Variants in ABLIM2 observed in about 807,000 individuals in gnomAD.
ABLIM2 encodes the protein actin binding LIM protein family member 2.
Under a neutral mutation model 97.7 loss-of-function variants are expected in ABLIM2, and 53 were observed. That is an observed-to-expected ratio of 0.54 (90% confidence interval 0.44 to 0.68). The LOEUF (loss-of-function observed/expected upper bound fraction) is 0.68, where lower values mean the gene tolerates loss of function less well. Ranked by LOEUF, ABLIM2 falls within the 30% of genes least tolerant of loss-of-function variation. The pLI is 0.00. For missense variants in ABLIM2, 835 were observed against 867.2 expected, an observed-to-expected ratio of 0.96 and a Z score of 0.47; for synonymous variants, 361 against 345.8, an observed-to-expected ratio of 1.04 and a Z score of -0.49.
intron 8 of ABLIM2, among the ~76,000 whole-genome samples, chr4:8,049,606 TAC>T (rs1384481748): frequency 2.0e-5 from 3 of 152,240 alleles, no homozygotes; most frequent in African/African-American, 7.2e-5. Flanking sequence ...GAGAAACATT[TAC>T]AGTCTATTCT....
At chr4:8,020,992 G>A (rs1305132249) in intron 12 of ABLIM2, among the ~76,000 whole-genome samples, 1 of 151,748 alleles carries the variant, frequency 6.6e-6, no homozygotes, top group Non-Finnish European at 1.5e-5. Context: ...AAGTTGCTGG[G>A]ACCACAGGTG....
Position 8,077,677 on chromosome 4 carries a change from C to G in ABLIM2, c.626G>C (p.Gly209Ala), listed in dbSNP as rs550235433. The change falls in exon 6 of 21, where the codon GGC becomes GCC. Residue 209 changes from glycine (G) to alanine (A), a missense_variant. Coordinates refer to ENST00000447017, the MANE Select transcript of ABLIM2 (RefSeq NM_001130083.2). ...TTTCTCACAGCTGTCACAGCGGATG[C>G]CGAACTTGGCGTGATAGTCAGCTTC... ...YCEADYHAKF[G>A]IRCDSCEKYI... 1 of 1,613,114 alleles carries G rather than the reference C, an allele frequency of 6.2e-7. No individual in the cohort carries two copies. Among genetic ancestry groups the G allele is most frequent in the Non-Finnish European group, 8.5e-7 (1 of 1,179,498 alleles).
At chr4:8,145,065 C>A (rs567870459) in intron 1 of ABLIM2, among the ~76,000 whole-genome samples, 4 of 152,274 alleles carry the variant, frequency 2.6e-5, no homozygotes, top group East Asian at 3.9e-4. Flanking sequence ...TATCCAAGCA[C>A]CCTCATCTGC....
intron 1 of ABLIM2, among the ~76,000 whole-genome samples, chr4:8,115,271 C>T (rs573726349): frequency 1.3e-5 from 2 of 152,334 alleles, no homozygotes; most frequent in African/African-American, 2.4e-5. Flanking sequence ...AGGGCTGGCC[C>T]GGACATCAGC....
At chr4:8,030,720 C>A (rs1319002147) in intron 10 of ABLIM2, among the ~76,000 whole-genome samples, 1 of 152,246 alleles carries the variant, frequency 6.6e-6, no homozygotes, top group East Asian at 1.9e-4. Context: ...GCCTCTCTAC[C>A]CCGGGCGTCC....
intron 14 of ABLIM2, among the ~76,000 whole-genome samples, chr4:8,011,745 G>C (rs1765024200): frequency 6.6e-6 from 1 of 152,206 alleles, no homozygotes; most frequent in Non-Finnish European, 1.5e-5. Context: ...CTGAGTTCTG[G>C]AATGCATTTG....
At chr4:8,134,878 TGG>T (rs1367012447) in intron 1 of ABLIM2, among the ~76,000 whole-genome samples, 1 of 152,222 alleles carries the variant, frequency 6.6e-6, no homozygotes, top group Non-Finnish European at 1.5e-5. Flanking sequence ...TATTTGCATG[TGG>T]GTGCAAAGAC....
intron 4 of ABLIM2, among the ~76,000 whole-genome samples, chr4:8,081,489 G>A (rs1371111383): frequency 6.6e-6 from 1 of 152,180 alleles, no homozygotes; most frequent in African/African-American, 2.4e-5. Context: ...CCACCATACC[G>A]GGGGCTCCAC....
intron 1 of ABLIM2, among the ~76,000 whole-genome samples, chr4:8,108,659 G>T (rs773326603): frequency 1.3e-5 from 2 of 152,188 alleles, no homozygotes; most frequent in Admixed American, 1.3e-4. Flanking sequence ...CCAATCACAC[G>T]GGACGCCCCC....
Position 8,033,771 on chromosome 4 carries a change from A to G in ABLIM2, c.1047+2378T>C, listed in dbSNP as rs1782499878. On this transcript the variant is annotated intron_variant, in intron 10 of 20. Transcript: ENST00000447017. This position sits in a 1 kb window ranked among gnomAD's most constrained non-coding sequence, Gnocchi z 4.5. ...TGCCATTTGAGAGGCGCAGCCCCAG[A>G]GAGGCTGAAAGAAACCTCAGTGACA... Among the ~76,000 whole-genome samples the G allele has an allele frequency of 6.6e-6, 1 of 152,220 alleles. No homozygotes were observed. The highest frequency in any genetic ancestry group is 6.5e-5 in the Admixed American group (1 of 15,290).
At position 7,990,936 on chromosome 4, in the gene ABLIM2, C is replaced by G. The variant is rs546542497; in HGVS notation, c.1680+1930G>C. Among the ~76,000 whole-genome samples the G allele has an allele frequency of 1.1e-4, 16 of 152,324 alleles. No homozygotes were observed. The East Asian group carries it at 2.9e-3, about 28-fold the overall frequency. On this transcript the variant is annotated intron_variant, in intron 17 of 20. Transcript: ENST00000447017. ...AATATTCACCAATCTCCCCCAGAAG[C>G]AATGTGAAAAGCTAAGAATCTCCAC... is the stretch of plus-strand genomic sequence containing the variant.
intron 1 of ABLIM2, among the ~76,000 whole-genome samples, chr4:8,152,629 T>G (rs1192496154): frequency 6.6e-6 from 1 of 152,146 alleles, no homozygotes; most frequent in Non-Finnish European, 1.5e-5. Flanking sequence ...GCCTCGGAGG[T>G]CTGCTCTTTC....
In ABLIM2 at chr4:8,135,209, A is replaced by T. The variant is rs554127232; in HGVS notation, c.10+23471T>A. ...GCTACTAAGGACAACGACACATGAT[A>T]ACCAACTGCAATGCATGATTCTGGG... On this transcript the variant is annotated intron_variant, in intron 1 of 20. Transcript: ENST00000447017. Among the ~76,000 whole-genome samples, 4 of 152,362 alleles carry T rather than the reference A, an allele frequency of 2.6e-5. No individual in the cohort carries two copies. The East Asian group carries it at 7.7e-4, about 29-fold the overall frequency.
intron 20 of ABLIM2, among the ~76,000 whole-genome samples, chr4:7,982,230 TG>T (rs35544240): frequency 0.069 from 10,538 of 152,186 alleles, 384 homozygotes; most frequent in Non-Finnish European, 0.079. Context: ...AGCCACTGCC[TG>T]GTGGGCAGTT....
intron 2 of ABLIM2, among the ~76,000 whole-genome samples, chr4:8,101,327 T>C (rs1426669179): frequency 2.0e-5 from 3 of 152,222 alleles, no homozygotes; most frequent in African/African-American, 7.2e-5. Flanking sequence ...TGCCATGTGA[T>C]CTTGACACTC....
intron 10 of ABLIM2, among the ~76,000 whole-genome samples, chr4:8,030,058 T>C (rs1202450139): frequency 6.6e-6 from 1 of 152,006 alleles, no homozygotes; most frequent in East Asian, 1.9e-4. Flanking sequence ...CTCCTGCCGG[T>C]GGGGGCTCCA....
chr4:7,968,031 C>A (rs547609340), intron 20 of ABLIM2, among the ~76,000 whole-genome samples: 38 of 152,390 alleles, frequency 2.5e-4, no homozygotes, highest in African/African-American at 9.1e-4. Flanking sequence ...AGAAACCCCG[C>A]ATCCCTCAGA....
rs562020168 is a variant in ABLIM2, at chr4:8,001,900, C to G, written c.1618+6159G>C. 1.1e-3 allele frequency among the ~76,000 whole-genome samples: 165 copies of G among 152,328 alleles called. No homozygotes were observed. The highest frequency in any genetic ancestry group is 7.5e-3 in the South Asian group (36 of 4,822). ...CCCCCGATGGCACCTTCCCACCTGC[C>G]CGCTTGTCAGCACACACATGTGCGT... On this transcript the variant is annotated intron_variant, in intron 16 of 20. Transcript: ENST00000447017. This position sits in a 1 kb window ranked among gnomAD's most constrained non-coding sequence, Gnocchi z 4.2.
Position 8,148,482 on chromosome 4 carries a change from C to A in ABLIM2, c.10+10198G>T, listed in dbSNP as rs904239665. On this transcript the variant is annotated intron_variant, in intron 1 of 20. Transcript: ENST00000447017. This position sits in a 1 kb window ranked among gnomAD's most constrained non-coding sequence, Gnocchi z 6.7. ...TGCAGCTGGCACGGTGCTTCTCAGC[C>A]GAATCACCTCGGGAGAGTTACCTAA... 2.6e-5 allele frequency among the ~76,000 whole-genome samples: 4 copies of A among 152,104 alleles called. No individual in the cohort carries two copies. The highest frequency in any genetic ancestry group is 9.7e-5 in the African/African-American group (4 of 41,412).
Sources: allele counts gnomAD v4.1 joint callset (sites outside exome capture counted in the v4.1 genomes callset), GRCh38; gene constraint gnomAD v4.1.1; non-coding constraint Gnocchi (gnomAD v3.1); transcripts MANE v1.5; gene names NCBI Gene and HGNC (gene_info 2026-07-23, HGNC 2026-07-21).